The following ERBB4 variants were observed in gnomAD, a reference collection of about 807,000 sequenced individuals.
ERBB4 encodes erb-b2 receptor tyrosine kinase 4, also known as receptor tyrosine-protein kinase erbB-4.
ERBB4 carries 42 observed loss-of-function variants against 158.0 expected under a neutral mutation model. The ratio of observed to expected loss-of-function variants is 0.27; its 90% CI spans 0.21 to 0.34. The LOEUF (loss-of-function observed/expected upper bound fraction) is 0.34. Ranked by LOEUF, ERBB4 falls within the 10% of genes least tolerant of loss-of-function variation. ERBB4 has a pLI of 1.00. For missense variants in ERBB4, 1,333 were observed against 1,624.1 expected, an observed-to-expected ratio of 0.82 and a Z score of 3.08; for synonymous variants, 583 against 558.7, an observed-to-expected ratio of 1.04 and a Z score of -0.61.
At chr2:212,503,314 A>C (rs937629754) in intron 1 of ERBB4, among the ~76,000 whole-genome samples, 7 of 152,140 alleles carry the variant, frequency 4.6e-5, no homozygotes, top group Non-Finnish European at 2.9e-5. Context: ...TTTTAATTAA[A>C]ATCTCTCAGT....
At chr2:212,248,207 T>C (rs186228022) in intron 1 of ERBB4, among the ~76,000 whole-genome samples, 1 of 152,158 alleles carries the variant, frequency 6.6e-6, no homozygotes, top group Non-Finnish European at 1.5e-5. Flanking sequence ...AGTGCCTTCA[T>C]AATCATCAAA....
chr2:211,783,499 T>G (rs2076083992), intron 4 of ERBB4, among the ~76,000 whole-genome samples: 1 of 152,198 alleles, frequency 6.6e-6, no homozygotes, highest in East Asian at 1.9e-4. Context: ...ATATTGGCTG[T>G]GGGTTTGTCA....
chr2:211,451,342 T>C (rs1222636464), intron 20 of ERBB4, among the ~76,000 whole-genome samples: 2 of 152,184 alleles, frequency 1.3e-5, no homozygotes, highest in African/African-American at 4.8e-5. Flanking sequence ...GAAGTCTGAA[T>C]AGTAGTTTGG....
chr2:211,666,279 A>C (rs2071625787), intron 14 of ERBB4, among the ~76,000 whole-genome samples: 1 of 152,182 alleles, frequency 6.6e-6, no homozygotes, highest in African/African-American at 2.4e-5. Context: ...ATAATAATAA[A>C]GCAAATACAT....
chr2:212,187,813 G>A (rs2082059901), intron 1 of ERBB4, among the ~76,000 whole-genome samples: 1 of 152,036 alleles, frequency 6.6e-6, no homozygotes, highest in Non-Finnish European at 1.5e-5. Flanking sequence ...TCAGAGACAT[G>A]AGTGATCTTC....
intron 1 of ERBB4, among the ~76,000 whole-genome samples, chr2:212,188,753 C>A (rs2082103447): frequency 6.6e-6 from 1 of 151,666 alleles, no homozygotes; most frequent in Non-Finnish European, 1.5e-5. Context: ...TATTTTAGGT[C>A]ATCTTCCTTC....
At chr2:211,433,806 CG>C in intron 20 of ERBB4, among the ~76,000 whole-genome samples, 1 of 152,096 alleles carries the variant, frequency 6.6e-6, no homozygotes, top group African/African-American at 2.4e-5. Flanking sequence ...CCACACTGGG[CG>C]GGGGTCAGTT....
intron 1 of ERBB4, among the ~76,000 whole-genome samples, chr2:212,299,246 C>A (rs1367408920): frequency 6.6e-6 from 1 of 151,612 alleles, no homozygotes; most frequent in Non-Finnish European, 1.5e-5. Flanking sequence ...GAGCTCACAG[C>A]TCATAATGAC....
intron 3 of ERBB4, among the ~76,000 whole-genome samples, chr2:211,912,370 A>C (rs1414464983): frequency 3.3e-5 from 5 of 152,168 alleles, no homozygotes; most frequent in Non-Finnish European, 5.9e-5. Flanking sequence ...TCCAAGAGTA[A>C]ATTTCAAATG....
intron 1 of ERBB4, among the ~76,000 whole-genome samples, chr2:212,185,218 T>C (rs944033493): frequency 5.3e-5 from 8 of 151,716 alleles, no homozygotes; most frequent in Non-Finnish European, 5.9e-5. Flanking sequence ...GACAAGGTTT[T>C]GCCATGTTGA....
At chr2:212,312,733 C>T (rs2087104164) in intron 1 of ERBB4, among the ~76,000 whole-genome samples, 1 of 150,810 alleles carries the variant, frequency 6.6e-6, no homozygotes, top group African/African-American at 2.4e-5. Context: ...TTAAATTGAA[C>T]AGCTTTAGAT....
At chr2:211,453,172 T>C (rs1409436197) in intron 20 of ERBB4, among the ~76,000 whole-genome samples, 1 of 152,210 alleles carries the variant, frequency 6.6e-6, no homozygotes, top group East Asian at 1.9e-4. Context: ...AATGAAATGG[T>C]AACACCTCAA....
At chr2:212,372,383 A>T (rs2090118445) in intron 1 of ERBB4, among the ~76,000 whole-genome samples, 1 of 152,164 alleles carries the variant, frequency 6.6e-6, no homozygotes, top group South Asian at 2.1e-4. Context: ...TTGGCCTAAG[A>T]CAATTAACCC....
intron 12 of ERBB4, 63 bp downstream of exon 12, chr2:211,701,904 T>C: frequency 1.6e-6 from 2 of 1,230,014 alleles, no homozygotes; most frequent in Non-Finnish European, 1.2e-6. Context: ...AATTGTTTGG[T>C]CCAAAGAAGA....
chr2:212,114,587 A>G (rs1244175279), intron 2 of ERBB4, among the ~76,000 whole-genome samples: 2 of 152,192 alleles, frequency 1.3e-5, no homozygotes, highest in African/African-American at 4.8e-5. Flanking sequence ...ATTTGCTTGT[A>G]CTTTCTCTGT....
intron 1 of ERBB4, among the ~76,000 whole-genome samples, chr2:212,383,778 C>T (rs1175791354): frequency 6.6e-6 from 1 of 151,546 alleles, no homozygotes. Context: ...GTACAAAGTA[C>T]CTTTAGTTAT....
rs2092387206 is a variant in ERBB4, at chr2:212,447,923, G to C, written c.82+90526C>G. On this transcript the variant is annotated intron_variant, in intron 1 of 27. Transcript: ENST00000342788. ...TTAGCTGAGACCTTTCACAAAAAAA[G>C]CTCTTCAAAAATTGTCATTATATGG... Among the ~76,000 whole-genome samples the C allele has an allele frequency of 2.6e-5, 4 of 151,856 alleles. No individual in the cohort carries two copies. In the South Asian group the frequency reaches 8.3e-4, roughly 32 times the overall value.
At chr2:212,509,843 GAT>G (rs754466572) in intron 1 of ERBB4, among the ~76,000 whole-genome samples, 10 of 151,828 alleles carry the variant, frequency 6.6e-5, no homozygotes, top group Non-Finnish European at 1.2e-4. Flanking sequence ...ATTAAGTTAT[GAT>G]ATGAGTTTCA....
chr2:212,170,045 T>G (rs1161229706), intron 1 of ERBB4, among the ~76,000 whole-genome samples: 1 of 152,062 alleles, frequency 6.6e-6, no homozygotes, highest in Non-Finnish European at 1.5e-5. Flanking sequence ...AATGTGGAAG[T>G]GACTTTGGAA....
Sources: gnomAD v4.1 joint callset for allele counts (sites outside exome capture counted in the v4.1 genomes callset) on GRCh38, gnomAD v4.1.1 for gene constraint, MANE v1.5 for transcripts, NCBI Gene and HGNC (gene_info 2026-07-23, HGNC 2026-07-21) for gene names.